TBCK: variants seen among roughly 807,000 people sequenced by gnomAD.
The protein encoded by TBCK is TBC domain-containing protein kinase-like protein.
A neutral mutation model predicts 113.4 loss-of-function variants in TBCK; 99 were observed. The ratio of observed to expected loss-of-function variants is 0.87; its 90% CI spans 0.74 to 1.03. The LOEUF (loss-of-function observed/expected upper bound fraction) is 1.03, where lower values mean the gene tolerates loss of function less well. Among genes scored for constraint, TBCK ranks in the 50% least tolerant of loss-of-function variants. The probability of loss-of-function intolerance (pLI) is 0.00; values close to 1 mark genes in which losing one functional copy is unlikely to be tolerated. For synonymous variants in TBCK, 369 were observed against 370.8 expected (o/e 1.00, Z 0.05); for missense variants, 1,045 against 1,061.3 (o/e 0.98, Z 0.21).
intron 20 of TBCK, among the ~76,000 whole-genome samples, chr4:106,210,308 G>A (rs28668834): frequency 0.064 from 9,691 of 152,136 alleles, 362 homozygotes; most frequent in Non-Finnish European, 0.082. Flanking sequence ...GGTATCATCT[G>A]GGTCCTTGAT....
At chr4:106,092,787 C>G (rs903984512) in intron 25 of TBCK, among the ~76,000 whole-genome samples, 1 of 152,210 alleles carries the variant, frequency 6.6e-6, no homozygotes, top group Non-Finnish European at 1.5e-5. Context: ...CACACCTCCC[C>G]GCAGGCTGAG....
At chr4:106,312,457 A>G (rs1260586054) in intron 1 of TBCK, among the ~76,000 whole-genome samples, 2 of 146,906 alleles carry the variant, frequency 1.4e-5, no homozygotes, top group Non-Finnish European at 3.0e-5. Context: ...ACTGGCAGTA[A>G]CAAGTGTTGA....
intron 22 of TBCK, among the ~76,000 whole-genome samples, chr4:106,178,618 A>G (rs1751968660): frequency 6.6e-6 from 1 of 151,964 alleles, no homozygotes; most frequent in East Asian, 1.9e-4. Flanking sequence ...TAGCATGTTT[A>G]TTGATTTGCA....
chr4:106,095,775 G>T, intron 24 of TBCK, 134 bp from the exon 25 acceptor site: 1 of 641,784 alleles, frequency 1.6e-6, no homozygotes, highest in Non-Finnish European at 2.4e-6. Flanking sequence ...TTATCTAAAT[G>T]AAGTAAGGCA....
At chr4:106,140,627 T>G (rs1333408119) in intron 23 of TBCK, among the ~76,000 whole-genome samples, 1 of 141,134 alleles carries the variant, frequency 7.1e-6, no homozygotes, top group Admixed American at 7.0e-5. Context: ...GTACAAATAA[T>G]GTCTTAGTTT....
At chr4:106,200,524 A>G (rs942924985) in intron 20 of TBCK, among the ~76,000 whole-genome samples, 1 of 152,178 alleles carries the variant, frequency 6.6e-6, no homozygotes, top group Non-Finnish European at 1.5e-5. Context: ...TAGGTGACAG[A>G]GCAAGACCCT....
chr4:106,171,790 CA>C (rs1751054807), intron 22 of TBCK, among the ~76,000 whole-genome samples: 1 of 151,920 alleles, frequency 6.6e-6, no homozygotes, highest in African/African-American at 2.4e-5. Context: ...ATAAAATTAT[CA>C]GAAAAAATTT....
At chr4:106,070,696 T>G (rs1187194765) in intron 25 of TBCK, among the ~76,000 whole-genome samples, 1 of 152,212 alleles carries the variant, frequency 6.6e-6, no homozygotes, top group Non-Finnish European at 1.5e-5. Context: ...TTCTATTGAT[T>G]GGAATAGTTT....
At chr4:106,313,353 C>T (rs2125907180) in intron 1 of TBCK, among the ~76,000 whole-genome samples, 1 of 148,448 alleles carries the variant, frequency 6.7e-6, no homozygotes, top group East Asian at 2.0e-4. Context: ...GACTGAGCAA[C>T]ACAGTGAGAC....
At chr4:106,241,761 A>C (rs1435941149) in intron 12 of TBCK, among the ~76,000 whole-genome samples, 1 of 152,048 alleles carries the variant, frequency 6.6e-6, no homozygotes, top group Admixed American at 6.6e-5. Context: ...ATGTGAAACA[A>C]TTATTTAAAT....
chr4:106,209,928 A>G (rs1383224148), intron 20 of TBCK, among the ~76,000 whole-genome samples: 1 of 152,106 alleles, frequency 6.6e-6, no homozygotes, highest in Non-Finnish European at 1.5e-5. Flanking sequence ...TTCTGCTTTT[A>G]TAAGATTAAA....
At position 106,086,590 on chromosome 4, in the gene TBCK, G is replaced by A. The variant is rs545934204; in HGVS notation, c.2571+8892C>T. Among the ~76,000 whole-genome samples, 23 of 152,292 alleles carry A rather than the reference G, an allele frequency of 1.5e-4. No homozygotes were observed. The South Asian group carries it at 4.6e-3, about 30-fold the overall frequency. On this transcript the variant is annotated intron_variant, in intron 25 of 25. Coordinates refer to ENST00000394708, the MANE Select transcript of TBCK (RefSeq NM_001163435.3). ...CTCCCTAACTAATTTTATGAAGCCA[G>A]CATCATCCTGATATCAAAACCGGGA...
At chr4:106,069,036 G>A (rs1042122967) in intron 25 of TBCK, among the ~76,000 whole-genome samples, 8 of 152,068 alleles carry the variant, frequency 5.3e-5, no homozygotes, top group South Asian at 2.1e-4. Context: ...TATAGATTCC[G>A]GATATTAGCC....
Position 106,116,310 on chromosome 4 carries a change from C to T in TBCK, c.2304G>A (p.Leu768=), listed in dbSNP as rs984170326. The change falls in exon 24 of 26, where the codon CTG becomes CTA. Residue 768 remains leucine (L), a synonymous_variant. Coordinates refer to ENST00000394708, the MANE Select transcript of TBCK (RefSeq NM_001163435.3). ...EVSPRISAED[L]IDLCELTVTG... ...TCACTGTGAGCTCACACAAGTCAAT[C>T]AGGTCCTCTGCTGAAATCCGTGGTG... 1 of 1,613,740 alleles carries T rather than the reference C, an allele frequency of 6.2e-7. No homozygotes were observed. The highest frequency in any genetic ancestry group is 8.5e-7 in the Non-Finnish European group (1 of 1,179,980).
At chr4:106,171,031 G>A in intron 23 of TBCK, 64 bp downstream of exon 23, 5 of 1,272,008 alleles carry the variant, frequency 3.9e-6, no homozygotes, top group Non-Finnish European at 5.4e-6. Flanking sequence ...AAAGATACTA[G>A]GGTATATTAA....
At chr4:106,224,803 C>T (rs936157908) in intron 19 of TBCK, among the ~76,000 whole-genome samples, 3 of 152,114 alleles carry the variant, frequency 2.0e-5, no homozygotes, top group Non-Finnish European at 2.9e-5. Context: ...TGTTCCCTGT[C>T]CTAAGAATGT....
intron 20 of TBCK, among the ~76,000 whole-genome samples, chr4:106,199,920 C>T (rs1175099225): frequency 6.6e-6 from 1 of 152,164 alleles, no homozygotes; most frequent in East Asian, 1.9e-4. Context: ...CCAGAATGAC[C>T]TTGTTAAAAT....
intron 2 of TBCK, among the ~76,000 whole-genome samples, chr4:106,298,126 CTAA>C (rs1766508073): frequency 6.6e-6 from 1 of 152,110 alleles, no homozygotes; most frequent in Non-Finnish European, 1.5e-5. Context: ...TGTTTCAACT[CTAA>C]TAATTTGTAT....
intron 25 of TBCK, among the ~76,000 whole-genome samples, chr4:106,056,429 A>C (rs1296513956): frequency 6.6e-6 from 1 of 150,588 alleles, no homozygotes; most frequent in East Asian, 2.0e-4. Context: ...GTCTCTAAGT[A>C]TCTCTCTCTC....
Sources: allele counts gnomAD v4.1 joint callset (sites outside exome capture counted in the v4.1 genomes callset), GRCh38; gene constraint gnomAD v4.1.1; transcripts MANE v1.5; gene names NCBI Gene and HGNC (gene_info 2026-07-23, HGNC 2026-07-21).